The following SEC22A variants were observed in gnomAD, a reference collection of about 807,000 sequenced individuals.
SEC22A encodes SEC22 homolog A, vesicle trafficking protein, also known as vesicle-trafficking protein SEC22a.
SEC22A carries 22 observed loss-of-function variants against 35.3 expected under a neutral mutation model. The observed-to-expected ratio is 0.62, with a 90% CI of 0.45 to 0.89. The LOEUF is 0.89. Among genes scored for constraint, SEC22A ranks in the 40% least tolerant of loss-of-function variants. SEC22A has a pLI of 0.00. For synonymous variants in SEC22A, 119 were observed against 129.5 expected (o/e 0.92, Z 0.55); for missense variants, 354 against 362.5 (o/e 0.98, Z 0.19).
At chr3:123,213,779 G>A (rs901628090) in intron 2 of SEC22A, among the ~76,000 whole-genome samples, 1 of 152,062 alleles carries the variant, frequency 6.6e-6, no homozygotes, top group Admixed American at 6.5e-5. Context: ...AAATCACTAA[G>A]TATATAATTA....
rs1043022734 is a variant in SEC22A at position 123,272,114 on chromosome 3, C to A, written c.*392C>A. Reference sequence around the variant, plus strand: ...TGCCTTTGTGAGGCATTAGTATAGACCAAATAAAAAGCTGCAGAAATTGGA... The same window carrying A: ...TGCCTTTGTGAGGCATTAGTATAGAACAAATAAAAAGCTGCAGAAATTGGA... On this transcript the variant is annotated 3_prime_UTR_variant, in exon 7 of 7. Transcript: ENST00000492595. 1.2e-5 allele frequency: 2 copies of A among 168,432 alleles called. No individual in the cohort carries two copies. The highest frequency in any genetic ancestry group is 3.7e-4 in the South Asian group (2 of 5,398). The allele number at this position is 168,432 out of a possible 1,614,324, so 10.4% of individuals were successfully genotyped here. A position where few individuals can be genotyped will look rare whatever the true frequency, so the allele number is the denominator to read the frequency against.
intron 4 of SEC22A, among the ~76,000 whole-genome samples, chr3:123,225,501 A>G (rs970790226): frequency 3.9e-5 from 6 of 152,222 alleles, no homozygotes; most frequent in Admixed American, 3.3e-4. Context: ...TAGCAACCTC[A>G]GAGGATCTCT....
chr3:123,234,323 TG>T (rs1370954557), intron 4 of SEC22A, among the ~76,000 whole-genome samples: 7 of 152,310 alleles, frequency 4.6e-5, no homozygotes, highest in African/African-American at 1.7e-4. Flanking sequence ...AAAATAATCT[TG>T]GAAAATCTTG....
At chr3:123,251,038 C>T (rs1937607781) in intron 5 of SEC22A, among the ~76,000 whole-genome samples, 1 of 150,564 alleles carries the variant, frequency 6.6e-6, no homozygotes, top group African/African-American at 2.4e-5. Flanking sequence ...AGAAAGACAA[C>T]TTTTGTTAAC....
In SEC22A at chr3:123,246,025, A is replaced by T. The variant is rs374581916; in HGVS notation, c.657+11A>T. 3 of 1,455,828 alleles carry T rather than the reference A, an allele frequency of 2.1e-6. No individual in the cohort carries two copies. The Admixed American group carries it at 5.2e-5, about 25-fold the overall frequency. The allele number at this position is 1,455,828 out of a possible 1,614,324, so 90.2% of individuals were successfully genotyped here. A position where few individuals can be genotyped will look rare whatever the true frequency, so the allele number is the denominator to read the frequency against. ...GAAAGTCTCCTGCAGGTACTGTGCT[A>T]TTTTTGCAATTTCAGGTGACTGTGC... On this transcript the variant is annotated intron_variant, in intron 5 of 6. Transcript: ENST00000492595.
chr3:123,267,269 CT>C (rs940321670), intron 6 of SEC22A, among the ~76,000 whole-genome samples: 51 of 145,438 alleles, frequency 3.5e-4, no homozygotes, highest in South Asian at 8.9e-4. Context: ...TATGTTAGGA[CT>C]TTTTTTTTTC....
Position 123,271,544 on chromosome 3 carries a change from C to A in SEC22A, c.746C>A (p.Thr249Asn). 1 of 1,613,678 alleles carries A rather than the reference C, an allele frequency of 6.2e-7. No homozygotes were observed. Among genetic ancestry groups the A allele is most frequent in the Non-Finnish European group, 8.5e-7 (1 of 1,179,958 alleles). The change falls in exon 7 of 7, where the codon ACC becomes AAC. Residue 249 changes from threonine to asparagine, a missense_variant. Physicochemically the swap from Thr to Asn is moderately conservative, Grantham distance 65 (BLOSUM62 0). Transcript: ENST00000492595. Reference protein sequence around the residue: ...LYQCYLLVYYTGWRNVKSFLT... With the variant: ...LYQCYLLVYYNGWRNVKSFLT... ...CAGTGTTATTTACTTGTCTACTACA[C>A]CGGCTGGCGGAATGTCAAATCTTTT...
chr3:123,223,485 G>A (rs1937166204), intron 2 of SEC22A, 74 bp from the exon 3 acceptor site: 1 of 1,167,798 alleles, frequency 8.6e-7, no homozygotes, highest in African/African-American at 1.5e-5. Context: ...ATGGTGTATA[G>A]AACCAGTCTT....
At chr3:123,215,199 T>G (rs1349883962) in intron 2 of SEC22A, among the ~76,000 whole-genome samples, 7 of 152,108 alleles carry the variant, frequency 4.6e-5, no homozygotes, top group Non-Finnish European at 8.8e-5. Flanking sequence ...TCACATTAGC[T>G]TAAGGAAAAA....
chr3:123,255,445 G>GA (rs1443968219), intron 5 of SEC22A, among the ~76,000 whole-genome samples: 1 of 151,518 alleles, frequency 6.6e-6, no homozygotes, highest in Non-Finnish European at 1.5e-5. Context: ...TGGCCTTTTT[G>GA]AAAAAATACA....
intron 2 of SEC22A, among the ~76,000 whole-genome samples, chr3:123,216,617 T>C (rs1043860585): frequency 6.6e-6 from 1 of 152,212 alleles, no homozygotes; most frequent in Non-Finnish European, 1.5e-5. Flanking sequence ...GTTGGCCATG[T>C]AAGAAAGGAG....
At chr3:123,233,397 C>T (rs1255052575) in intron 4 of SEC22A, among the ~76,000 whole-genome samples, 1 of 152,100 alleles carries the variant, frequency 6.6e-6, no homozygotes, top group Non-Finnish European at 1.5e-5. Flanking sequence ...TAAATACACT[C>T]TATGACGTTT....
intron 6 of SEC22A, among the ~76,000 whole-genome samples, chr3:123,263,136 A>G (rs771795160): frequency 3.0e-4 from 46 of 152,238 alleles, no homozygotes; most frequent in Admixed American, 7.2e-4. Flanking sequence ...TCTCATTTTA[A>G]GGACATTATG....
chr3:123,244,953 G>A (rs2108076366), intron 4 of SEC22A, among the ~76,000 whole-genome samples: 1 of 152,282 alleles, frequency 6.6e-6, no homozygotes, highest in East Asian at 1.9e-4. Flanking sequence ...TTGTGCTGCT[G>A]CAGCCCTGGA....
chr3:123,224,999 T>A (rs1292692872), intron 3 of SEC22A, 104 bp from the exon 4 acceptor site: 68 of 744,800 alleles, frequency 9.1e-5, no homozygotes, highest in Non-Finnish European at 6.5e-6. Context: ...TTGAACAATT[T>A]TGAATAATAA....
At chr3:123,236,829 G>A (rs9834725) in intron 4 of SEC22A, among the ~76,000 whole-genome samples, 29,856 of 151,418 alleles carry the variant, frequency 0.2, 3,015 homozygotes, top group Middle Eastern at 0.28. Context: ...ACACACACAC[G>A]CACACATATG....
At chr3:123,219,096 A>C (rs1426845427) in intron 2 of SEC22A, among the ~76,000 whole-genome samples, 1 of 152,214 alleles carries the variant, frequency 6.6e-6, no homozygotes, top group Non-Finnish European at 1.5e-5. Flanking sequence ...GATATGTAGG[A>C]ATTAGCCAGT....
chr3:123,258,567 G>T (rs1937798419), intron 5 of SEC22A, among the ~76,000 whole-genome samples: 2 of 152,154 alleles, frequency 1.3e-5, no homozygotes, highest in African/African-American at 4.8e-5. Context: ...CCTATTTTAA[G>T]ATCTTCTCAC....
chr3:123,210,794 G>A (rs979268743), intron 2 of SEC22A, among the ~76,000 whole-genome samples: 2 of 152,162 alleles, frequency 1.3e-5, no homozygotes, highest in Non-Finnish European at 2.9e-5. Context: ...CTTCGTTGTT[G>A]AGATGAGACA....
Sources: allele counts gnomAD v4.1 joint callset (sites outside exome capture counted in the v4.1 genomes callset), GRCh38; gene constraint gnomAD v4.1.1; transcripts MANE v1.5; gene names NCBI Gene and HGNC (gene_info 2026-07-23, HGNC 2026-07-21).